The following TMEM63C variants were observed in gnomAD, a reference collection of about 807,000 sequenced individuals.
TMEM63C encodes the protein osmosensitive cation channel TMEM63C.
Under a neutral mutation model 99.2 loss-of-function variants are expected in TMEM63C, and 32 were observed. The observed-to-expected ratio is 0.32, with a 90% CI of 0.24 to 0.43. The LOEUF is 0.43. Ranked by LOEUF, TMEM63C falls within the 20% of genes least tolerant of loss-of-function variation. The pLI is 1.00. For synonymous variants in TMEM63C, 376 were observed against 397.9 expected (o/e 0.94, Z 0.66); for missense variants, 826 against 1,053.0 (o/e 0.78, Z 2.98).
chr14:77,244,308 C>T, intron 15 of TMEM63C, 41 bp from the exon 16 acceptor site: 9 of 1,431,994 alleles, frequency 6.3e-6, no homozygotes, highest in Non-Finnish European at 8.9e-6. Flanking sequence ...AGGATGCTTG[C>T]ATTGACGTCT....
At chr14:77,236,506 T>A in intron 8 of TMEM63C, 118 bp from the exon 9 acceptor site, 1 of 667,428 alleles carries the variant, frequency 1.5e-6, no homozygotes, top group Non-Finnish European at 2.7e-6. Flanking sequence ...CTGAGGAGAC[T>A]GTGATGGGCT....
chr14:77,242,475 CCTCCTCCAT>C lies in TMEM63C; in HGVS notation c.1187+8_1187+16del. The C allele has an allele frequency of 6.2e-7, 1 of 1,613,160 alleles. No homozygotes were observed. Among genetic ancestry groups the C allele is most frequent in the Admixed American group, 1.7e-5 (1 of 59,976 alleles). ...CACCCCAAAGACATTATTTGGTAAG[CCTCCTCCAT>C]CCCTCCCCTCTCCTCTGAGCTCCTC... On this transcript the variant is annotated splice_region_variant and intron_variant, in intron 14 of 23. Transcript: ENST00000298351.
intron 5 of TMEM63C, among the ~76,000 whole-genome samples, chr14:77,220,886 C>A (rs1262228714): frequency 7.3e-6 from 1 of 137,090 alleles, no homozygotes; most frequent in African/African-American, 2.6e-5. Context: ...ACTCACGCCC[C>A]GCCTCCCACT....
intron 15 of TMEM63C, 107 bp downstream of exon 15, chr14:77,243,163 T>G: frequency 7.5e-7 from 1 of 1,327,392 alleles, no homozygotes. Flanking sequence ...GTGGAGCCCA[T>G]ACAGTGCGAA....
At chr14:77,209,149 A>G (rs1888454531) in intron 1 of TMEM63C, among the ~76,000 whole-genome samples, 1 of 152,158 alleles carries the variant, frequency 6.6e-6, no homozygotes, top group Non-Finnish European at 1.5e-5. Context: ...TAACACTCAT[A>G]ATCACCCTGG....
rs995111248 is a variant in TMEM63C at position 77,225,454 on chromosome 14, A to G, written c.343A>G (p.Thr115Ala). 5.0e-6 allele frequency: 8 copies of G among 1,613,310 alleles called. No individual in the cohort carries two copies. The highest frequency in any genetic ancestry group is 1.3e-5 in the African/African-American group (1 of 75,022). Residue 115 changes from threonine (T) to alanine (A), a missense_variant, in exon 6 of 24, where the codon ACA becomes GCA. Coordinates refer to ENST00000298351, the MANE Select transcript of TMEM63C (RefSeq NM_020431.4). Reference protein sequence around the residue: ...GFCSWFFNSITMKDEDLINKC... With the variant: ...GFCSWFFNSIAMKDEDLINKC... ...CTGTTCCTGGTTCTTCAACAGCATA[A>G]CAATGAAGTAAGTGCCCGGGCTCTG...
intron 1 of TMEM63C, among the ~76,000 whole-genome samples, chr14:77,207,051 G>A (rs1384966717): frequency 6.6e-6 from 1 of 152,204 alleles, no homozygotes; most frequent in African/African-American, 2.4e-5. Context: ...GACTGTGACA[G>A]CCCCACAGCT....
chr14:77,254,429 G>A (rs1889428375), intron 23 of TMEM63C, among the ~76,000 whole-genome samples: 1 of 152,198 alleles, frequency 6.6e-6, no homozygotes, highest in African/African-American at 2.4e-5. Context: ...AGAGGGGACA[G>A]GAGTAGGTGC....
intron 8 of TMEM63C, among the ~76,000 whole-genome samples, chr14:77,235,509 C>G (rs71413452): frequency 0.98 from 2,119 of 2,168 alleles, 1,042 homozygotes; most frequent in East Asian, 1. Flanking sequence ...TGATGGGTGG[C>G]GGTTATGGGG....
rs575450259 is a variant in TMEM63C at position 77,245,945 on chromosome 14, G to A, written c.1454G>A (p.Ser485Asn). ...AFLEAHWTRS[S>N]QNLVMVHKCY... is the part of the protein sequence containing the mutation. Reference sequence around the variant, plus strand: ...ATCTCTCTGTTTCCTTCTAGATCAAGTCAGAATCTGGTCATGGTGCACAAG... The same window carrying A: ...ATCTCTCTGTTTCCTTCTAGATCAAATCAGAATCTGGTCATGGTGCACAAG... The change falls in exon 17 of 24, where the codon AGT (serine) becomes AAT (asparagine). Residue 485 changes from serine to asparagine, a missense_variant. By Grantham distance (46) the Ser-to-Asn change is conservative. Transcript: ENST00000298351. 6.8e-6 allele frequency: 11 copies of A among 1,613,754 alleles called. No individual in the cohort carries two copies. Among genetic ancestry groups the A allele is most frequent in the African/African-American group, 5.3e-5 (4 of 75,048 alleles).
In TMEM63C at chr14:77,257,602, G is replaced by A. The variant is rs1350475440; in HGVS notation, c.*876G>A. The A allele has an allele frequency of 3.3e-5, 5 of 152,178 alleles. 1 individual carries two copies. Among genetic ancestry groups the A allele is most frequent in the Admixed American group, 3.3e-4 (5 of 15,282 alleles). The allele number at this position is 152,178 out of a possible 1,614,324, so 9.4% of individuals were successfully genotyped here. A position where few individuals can be genotyped will look rare whatever the true frequency, so the allele number is the denominator to read the frequency against. On this transcript the variant is annotated 3_prime_UTR_variant, in exon 24 of 24. Coordinates refer to ENST00000298351, the MANE Select transcript of TMEM63C (RefSeq NM_020431.4). Reference sequence around the variant, plus strand: ...TGGGAAACCAGCTATACCTCCCCAAGCCCCAGGGCCTAAAGAGAAGACCCC... The same window carrying A: ...TGGGAAACCAGCTATACCTCCCCAAACCCCAGGGCCTAAAGAGAAGACCCC...
In TMEM63C at chr14:77,192,363, G is replaced by A. The variant is rs548484911; in HGVS notation, c.-77+10469G>A. ...TAGGCAACTTATCCTAGGTCCAGTAGAGTGGAAATTTGAACCAAGCACTTC... is the reference window on the plus strand; with the variant it reads ...TAGGCAACTTATCCTAGGTCCAGTAAAGTGGAAATTTGAACCAAGCACTTC... On this transcript the variant is annotated intron_variant, in intron 1 of 23. Transcript: ENST00000298351. Among the ~76,000 whole-genome samples the A allele has an allele frequency of 2.0e-5, 3 of 152,268 alleles. 1 individual carries two copies. In the East Asian group the frequency reaches 5.8e-4, roughly 29 times the overall value.
At position 77,258,853 on chromosome 14, in the gene TMEM63C, CA is replaced by C. The variant is rs1449153385; in HGVS notation, c.*2129del. ...CACATATGGGAAAAGTCCTGGCAGA[CA>C]ATGTGGCGGGATGACTGGGGGCTTC... On this transcript the variant is annotated 3_prime_UTR_variant, in exon 24 of 24. Transcript: ENST00000298351. 1.3e-5 allele frequency: 2 copies of C among 152,362 alleles called. No individual in the cohort carries two copies. The highest frequency in any genetic ancestry group is 1.3e-4 in the Admixed American group (2 of 15,284). The allele number at this position is 152,362 out of a possible 1,614,324, so 9.4% of individuals were successfully genotyped here.
chr14:77,183,946 G>A (rs1267307110), intron 1 of TMEM63C, among the ~76,000 whole-genome samples: 3 of 152,176 alleles, frequency 2.0e-5, no homozygotes, highest in Admixed American at 2.0e-4. Flanking sequence ...CCTCAGAGAG[G>A]CCCCGTGGTG....
chr14:77,207,739 A>G (rs1888427388), intron 1 of TMEM63C, among the ~76,000 whole-genome samples: 3 of 152,240 alleles, frequency 2.0e-5, no homozygotes, highest in South Asian at 2.1e-4. Flanking sequence ...TGGGATAGCC[A>G]TAAGAAGGCC....
At chr14:77,235,474 G>A (rs543714036) in intron 8 of TMEM63C, among the ~76,000 whole-genome samples, 2,647 of 5,974 alleles carry the variant, frequency 0.44, 1,148 homozygotes, top group Admixed American at 0.6. Flanking sequence ...GGAGACTGTG[G>A]TGGGTGGGGG....
At chr14:77,227,051 A>G (rs1888841535) in intron 6 of TMEM63C, among the ~76,000 whole-genome samples, 1 of 152,212 alleles carries the variant, frequency 6.6e-6, no homozygotes, top group Non-Finnish European at 1.5e-5. Context: ...TACAGGCATG[A>G]GCCACCGCAC....
Position 77,199,831 on chromosome 14 carries a change from G to A in TMEM63C, c.-76-13615G>A, listed in dbSNP as rs545966635. On this transcript the variant is annotated intron_variant, in intron 1 of 23. Transcript: ENST00000298351. Reference sequence around the variant, plus strand: ...TTGTGTCCCTGCTCAAAGGCTCCCAGCGACACTGTGATGAGCCGGGCCCAC... The same window carrying A: ...TTGTGTCCCTGCTCAAAGGCTCCCAACGACACTGTGATGAGCCGGGCCCAC... 5.9e-5 allele frequency among the ~76,000 whole-genome samples: 9 copies of A among 152,308 alleles called. No individual in the cohort carries two copies. The South Asian group carries it at 1.7e-3, about 28-fold the overall frequency.
At chr14:77,215,600 C>CAAA (rs796730995) in intron 2 of TMEM63C, among the ~76,000 whole-genome samples, 3 of 82,414 alleles carry the variant, frequency 3.6e-5, no homozygotes, top group African/African-American at 4.9e-5. Flanking sequence ...GACTCTGTCT[C>CAAA]AAAAAAAAAA....
Sources: gnomAD v4.1 joint callset for allele counts (sites outside exome capture counted in the v4.1 genomes callset) on GRCh38, gnomAD v4.1.1 for gene constraint, MANE v1.5 for transcripts, NCBI Gene and HGNC (gene_info 2026-07-23, HGNC 2026-07-21) for gene names.